PAX5: variants seen among roughly 807,000 people sequenced by gnomAD.
The protein encoded by PAX5 is paired box protein Pax-5.
Under a neutral mutation model 43.7 loss-of-function variants are expected in PAX5, and 9 were observed. The ratio of observed to expected loss-of-function variants is 0.21; its 90% CI spans 0.12 to 0.36. The LOEUF (loss-of-function observed/expected upper bound fraction) is 0.36, where lower values mean the gene tolerates loss of function less well. Ranked by LOEUF, PAX5 falls within the 10% of genes least tolerant of loss-of-function variation. The probability of loss-of-function intolerance (pLI) is 1.00; values close to 1 mark genes in which losing one functional copy is unlikely to be tolerated. For missense variants in PAX5, 383 were observed against 532.7 expected (o/e 0.72, Z 2.77); for synonymous variants, 228 against 214.3 (o/e 1.06, Z -0.56).
intron 8 of PAX5, among the ~76,000 whole-genome samples, chr9:36,859,758 G>A (rs1824017495): frequency 6.6e-6 from 1 of 152,190 alleles, no homozygotes; most frequent in Non-Finnish European, 1.5e-5. Flanking sequence ...TCTGGGGCTG[G>A]GTGTAGTGGT....
rs1306788453 is a variant in PAX5 at position 37,002,796 on chromosome 9, C to A, written c.476-20G>T. 2 of 1,598,702 alleles carry A rather than the reference C, an allele frequency of 1.3e-6. No individual in the cohort carries two copies. The highest frequency in any genetic ancestry group is 1.1e-5 in the South Asian group (1 of 88,560). On this transcript the variant is annotated intron_variant, in intron 4 of 9. Coordinates refer to ENST00000358127, the MANE Select transcript of PAX5 (RefSeq NM_016734.3). Reference sequence around the variant, plus strand: ...TGGACACTGCGCGGAGAAAGACGGGCGGTCAGGGCCGCAGAGGGCTGAGGG... The same window carrying A: ...TGGACACTGCGCGGAGAAAGACGGGAGGTCAGGGCCGCAGAGGGCTGAGGG...
At chr9:36,862,821 G>A (rs1430580965) in intron 8 of PAX5, among the ~76,000 whole-genome samples, 2 of 152,202 alleles carry the variant, frequency 1.3e-5, no homozygotes, top group Non-Finnish European at 2.9e-5. Context: ...CAGAAACTCA[G>A]GCTCATGAGC....
intron 7 of PAX5, among the ~76,000 whole-genome samples, chr9:36,913,322 T>C (rs538622178): frequency 2.6e-5 from 4 of 152,218 alleles, no homozygotes; most frequent in Non-Finnish European, 5.9e-5. Context: ...ACATGCCAAC[T>C]TACTGATGCA....
At chr9:36,898,851 A>G (rs1020083188) in intron 7 of PAX5, among the ~76,000 whole-genome samples, 1 of 151,954 alleles carries the variant, frequency 6.6e-6, no homozygotes, top group Non-Finnish European at 1.5e-5. Flanking sequence ...AGCCTCTCCC[A>G]CTAACACCCC....
intron 6 of PAX5, among the ~76,000 whole-genome samples, chr9:36,927,686 C>T (rs1035384296): frequency 6.6e-6 from 1 of 151,562 alleles, no homozygotes; most frequent in South Asian, 2.1e-4. Flanking sequence ...TGCACTTCAC[C>T]ATCTGTGCCT....
At chr9:36,943,058 C>A (rs1191948051) in intron 6 of PAX5, among the ~76,000 whole-genome samples, 2 of 152,216 alleles carry the variant, frequency 1.3e-5, no homozygotes, top group African/African-American at 4.8e-5. Flanking sequence ...TTACCCTCCT[C>A]CAGTGCAGGC....
rs1457608407 is a variant in PAX5 at position 36,834,332 on chromosome 9, C to T, written c.*6228G>A. 2 of 233,014 alleles carry T rather than the reference C, an allele frequency of 8.6e-6. No individual in the cohort carries two copies. The highest frequency in any genetic ancestry group is 1.7e-5 in the Non-Finnish European group (2 of 118,094). 14.4% of individuals were successfully genotyped at this position (233,014 alleles called of 1,614,324 possible). On this transcript the variant is annotated 3_prime_UTR_variant, in exon 10 of 10. Transcript: ENST00000358127. ...TCTGCTCACCTTCTCTGACCCAAGTCGAAGACAGCAGGCAAGAATTGGCAT... is the reference window on the plus strand; with the variant it reads ...TCTGCTCACCTTCTCTGACCCAAGTTGAAGACAGCAGGCAAGAATTGGCAT...
intron 6 of PAX5, among the ~76,000 whole-genome samples, chr9:36,958,682 C>G (rs1833705161): frequency 6.6e-6 from 1 of 152,180 alleles, no homozygotes; most frequent in Non-Finnish European, 1.5e-5. Context: ...TAATCTTCCA[C>G]TCTGTGTTGG....
chr9:36,936,160 C>T (rs1013746488), intron 6 of PAX5, among the ~76,000 whole-genome samples: 2 of 152,226 alleles, frequency 1.3e-5, no homozygotes, highest in Admixed American at 1.3e-4. Flanking sequence ...GTTATCCTGA[C>T]AAGGCTTAGA....
chr9:36,938,497 C>T (rs1400681308), intron 6 of PAX5, among the ~76,000 whole-genome samples: 2 of 152,148 alleles, frequency 1.3e-5, no homozygotes, highest in Admixed American at 1.3e-4. Flanking sequence ...AAATAGGCTT[C>T]CCACAAACAA....
chr9:36,987,472 T>G (rs540496026), intron 5 of PAX5, among the ~76,000 whole-genome samples: 3 of 152,294 alleles, frequency 2.0e-5, no homozygotes, highest in Non-Finnish European at 2.9e-5. Context: ...TCTCGCCGAA[T>G]TTGCACAAGA....
Position 36,835,279 on chromosome 9 carries a change from T to A in PAX5, c.*5281A>T, listed in dbSNP as rs1821560838. The A allele has an allele frequency of 4.3e-6, 1 of 232,936 alleles. No homozygotes were observed. The highest frequency in any genetic ancestry group is 8.5e-6 in the Non-Finnish European group (1 of 117,902). The allele number at this position is 232,936 out of a possible 1,614,324, so 14.4% of individuals were successfully genotyped here. A position where few individuals can be genotyped will look rare whatever the true frequency, so the allele number is the denominator to read the frequency against. On this transcript the variant is annotated 3_prime_UTR_variant, in exon 10 of 10. Coordinates refer to ENST00000358127, the MANE Select transcript of PAX5 (RefSeq NM_016734.3). ...ATGATTCTGAGGTTCCCTTCAATCC[T>A]GGGGTGCCCAGGAACGGAGCCTCAG... is the stretch of plus-strand genomic sequence containing the variant.
chr9:36,887,122 T>C (rs936645809), intron 7 of PAX5, among the ~76,000 whole-genome samples: 3 of 152,264 alleles, frequency 2.0e-5, no homozygotes, highest in Non-Finnish European at 4.4e-5. Context: ...TCAGATCTCA[T>C]GATTTCTACT....
rs992055043 is a variant in PAX5, at chr9:36,995,875, C to T, written c.604+6773G>A. 6.6e-5 allele frequency among the ~76,000 whole-genome samples: 10 copies of T among 152,182 alleles called. No individual in the cohort carries two copies. The South Asian group carries it at 1.2e-3, about 19-fold the overall frequency. ...CCCCACCCTGGAGGCCTCCACCCCCCTGTGCTCCCTGTGCCTCTCTTCAGG... is the reference window on the plus strand; with the variant it reads ...CCCCACCCTGGAGGCCTCCACCCCCTTGTGCTCCCTGTGCCTCTCTTCAGG... On this transcript the variant is annotated intron_variant, in intron 5 of 9. Transcript: ENST00000358127.
At chr9:36,952,357 G>A (rs139692420) in intron 6 of PAX5, among the ~76,000 whole-genome samples, 24 of 146,456 alleles carry the variant, frequency 1.6e-4, no homozygotes, top group African/African-American at 4.5e-4. Context: ...CTCCTGTCTC[G>A]GCCTCCCAAG....
At chr9:36,891,091 A>G (rs1158556765) in intron 7 of PAX5, among the ~76,000 whole-genome samples, 2 of 152,170 alleles carry the variant, frequency 1.3e-5, no homozygotes, top group African/African-American at 4.8e-5. Flanking sequence ...GTGAGCCGAG[A>G]TTGCGCCACT....
chr9:36,901,334 T>C (rs917781737), intron 7 of PAX5, among the ~76,000 whole-genome samples: 1 of 152,132 alleles, frequency 6.6e-6, no homozygotes, highest in African/African-American at 2.4e-5. Context: ...TAATTCCTGC[T>C]CATTTCCGTG....
intron 8 of PAX5, among the ~76,000 whole-genome samples, chr9:36,864,764 C>T (rs556057413): frequency 7.9e-5 from 12 of 152,334 alleles, no homozygotes; most frequent in South Asian, 2.1e-4. Context: ...GGAGGGAGGC[C>T]GCCAAGCTGT....
At chr9:36,977,743 G>C (rs1835565565) in intron 5 of PAX5, among the ~76,000 whole-genome samples, 1 of 152,188 alleles carries the variant, frequency 6.6e-6, no homozygotes, top group African/African-American at 2.4e-5. Flanking sequence ...TGTTGGCCAG[G>C]CTGGCCTCCC....
Sources: gnomAD v4.1 joint callset for allele counts (sites outside exome capture counted in the v4.1 genomes callset) on GRCh38, gnomAD v4.1.1 for gene constraint, MANE v1.5 for transcripts, NCBI Gene and HGNC (gene_info 2026-07-23, HGNC 2026-07-21) for gene names.